BRF1: variants seen among roughly 807,000 people sequenced by gnomAD.
The protein encoded by BRF1 is transcription factor IIIB 90 kDa subunit.
Under a neutral mutation model 81.7 loss-of-function variants are expected in BRF1, and 59 were observed. That is an observed-to-expected ratio of 0.72 (90% CI 0.59 to 0.90). The LOEUF (loss-of-function observed/expected upper bound fraction) is 0.90, where lower values mean the gene tolerates loss of function less well. BRF1 is among the 40% of genes least tolerant of loss of function. BRF1 has a pLI of 0.00. For missense variants in BRF1, 1,050 were observed against 936.3 expected, an observed-to-expected ratio of 1.12 and a Z score of -1.58; for synonymous variants, 491 against 395.6, an observed-to-expected ratio of 1.24 and a Z score of -2.86.
At position 105,300,948 on chromosome 14, in the gene BRF1, G is replaced by T. The variant is rs587646776; in HGVS notation, c.-319C>A. 2.1e-3 allele frequency: 327 copies of T among 155,358 alleles called. 1 individual carries two copies. The highest frequency in any genetic ancestry group is 1.6e-3 in the Non-Finnish European group (110 of 70,030). The allele number at this position is 155,358 out of a possible 1,614,324, so 9.6% of individuals were successfully genotyped here. ...GTCGGAGGGGCGACCTGCGGGGGCT[G>T]GGCTTCGGCGGAACCCGAGCGGGGC... is the stretch of plus-strand genomic sequence containing the variant. On this transcript the variant is annotated 5_prime_UTR_variant, in exon 1 of 18. Coordinates refer to ENST00000547530, the MANE Select transcript of BRF1 (RefSeq NM_001519.4).
At position 105,299,151 on chromosome 14, in the gene BRF1, C is replaced by T. The variant is rs752804764; in HGVS notation, c.184+1295G>A. ...TCGAGCCACTGCACTCCAGCCTGGG[C>T]AACAGAGCAAGACTCCATCTCAAAA... On this transcript the variant is annotated intron_variant, in intron 1 of 17. Transcript: ENST00000547530. 1.7e-4 allele frequency among the ~76,000 whole-genome samples: 26 copies of T among 152,072 alleles called. 1 individual carries two copies. The highest frequency in any genetic ancestry group is 2.9e-4 in the Non-Finnish European group (20 of 68,018).
At position 105,222,730 on chromosome 14, in the gene BRF1, G is replaced by A. The variant is rs959246015; in HGVS notation, c.1049-816C>T. On this transcript the variant is annotated intron_variant, in intron 10 of 17. Transcript: ENST00000547530. ...TGCAAGCTCCGCCTCCCGGGTTCAC[G>A]CCATTCTCCTGCCTCAGCCTCCTGA... 5.9e-5 allele frequency among the ~76,000 whole-genome samples: 9 copies of A among 152,036 alleles called. No individual in the cohort carries two copies. The East Asian group carries it at 1.5e-3, about 26-fold the overall frequency.
intron 3 of BRF1, among the ~76,000 whole-genome samples, chr14:105,261,989 G>A (rs1443091631): frequency 6.6e-6 from 1 of 152,226 alleles, no homozygotes; most frequent in Non-Finnish European, 1.5e-5. Flanking sequence ...CCTGGCACGG[G>A]AACACACGGC....
intron 6 of BRF1, among the ~76,000 whole-genome samples, chr14:105,229,593 C>T (rs117230703): frequency 2.1e-3 from 326 of 152,354 alleles, no homozygotes; most frequent in South Asian, 8.3e-3. Context: ...GTGACAGCTG[C>T]GACCTGGGGG....
rs1891904771 is a variant in BRF1 at position 105,219,515 on chromosome 14, G to A, written c.1378-283C>T. On this transcript the variant is annotated intron_variant, in intron 12 of 17. Transcript: ENST00000547530. Reference sequence around the variant, plus strand: ...CACCAGGACCCTGGCCAGCCAGAGTGCAGGCCACAGGTTCCCACAAAGGGG... The same window carrying A: ...CACCAGGACCCTGGCCAGCCAGAGTACAGGCCACAGGTTCCCACAAAGGGG... 14 of 584,370 alleles carry A rather than the reference G, an allele frequency of 2.4e-5. No homozygotes were observed. In the South Asian group the frequency reaches 3.6e-4, roughly 15 times the overall value. The allele number at this position is 584,370 out of a possible 1,614,324, so 36.2% of individuals were successfully genotyped here. A position where few individuals can be genotyped will look rare whatever the true frequency, so the allele number is the denominator to read the frequency against.
At position 105,223,675 on chromosome 14, in the gene BRF1, C is replaced by T. The variant is rs190525046; in HGVS notation, c.1049-1761G>A. On this transcript the variant is annotated intron_variant, in intron 10 of 17. Transcript: ENST00000547530. Reference sequence around the variant, plus strand: ...GTGGTGACCAAGGGCCTGTGGACCCCGTGGGAGCCACAGATCTGTGGGTCT... The same window carrying T: ...GTGGTGACCAAGGGCCTGTGGACCCTGTGGGAGCCACAGATCTGTGGGTCT... 3.2e-4 allele frequency among the ~76,000 whole-genome samples: 48 copies of T among 152,284 alleles called. 3 individuals carry two copies. The highest frequency in any genetic ancestry group is 2.4e-3 in the Admixed American group (37 of 15,300).
chr14:105,298,681 CCT>C (rs1340381111), intron 1 of BRF1, among the ~76,000 whole-genome samples: 1 of 151,462 alleles, frequency 6.6e-6, no homozygotes, highest in Non-Finnish European at 1.5e-5. Context: ...AGGGTGAAAC[CCT>C]GTCTCTACTA....
intron 3 of BRF1, among the ~76,000 whole-genome samples, chr14:105,259,399 T>TGCAC (rs2056044074): frequency 6.6e-6 from 1 of 152,118 alleles, no homozygotes; most frequent in Non-Finnish European, 1.5e-5. Context: ...GAGCTGTGAT[T>TGCAC]GCACCACTGC....
chr14:105,212,029 T>C (rs1890198906), intron 16 of BRF1, 84 bp downstream of exon 16: 1 of 1,557,966 alleles, frequency 6.4e-7, no homozygotes, highest in Admixed American at 1.9e-5. Context: ...GCTCTCCCTG[T>C]GGTCACAGAC....
chr14:105,246,307 CATT>C (rs1204628360), intron 5 of BRF1, among the ~76,000 whole-genome samples: 4 of 152,088 alleles, frequency 2.6e-5, no homozygotes, highest in Admixed American at 6.6e-5. Flanking sequence ...TGGTCAACAT[CATT>C]ATTTATCAGG....
At chr14:105,308,662 T>C (rs1257318609) in intron 1 of BRF1, among the ~76,000 whole-genome samples, 1 of 151,494 alleles carries the variant, frequency 6.6e-6, no homozygotes, top group African/African-American at 2.4e-5. Context: ...TTTGCAGTTT[T>C]AGTAGAGACA....
At chr14:105,292,671 G>C (rs2057565764) in intron 1 of BRF1, among the ~76,000 whole-genome samples, 1 of 152,196 alleles carries the variant, frequency 6.6e-6, no homozygotes, top group Non-Finnish European at 1.5e-5. Context: ...CGGGAACACA[G>C]AGCGTGTGCC....
chr14:105,298,426 C>T (rs1291494198), intron 1 of BRF1, among the ~76,000 whole-genome samples: 1 of 152,198 alleles, frequency 6.6e-6, no homozygotes, highest in Non-Finnish European at 1.5e-5. Flanking sequence ...CAGACCTGCA[C>T]GGACGGGGCC....
intron 5 of BRF1, chr14:105,249,825 C>T (rs1233759733): frequency 2.5e-6 from 4 of 1,613,498 alleles, no homozygotes; most frequent in South Asian, 1.1e-5. Flanking sequence ...CCCGAGCTGA[C>T]GCAGCGCTGC....
In BRF1 at chr14:105,251,954, C is replaced by G. The variant is rs587720169; in HGVS notation, c.544+553G>C. Among the ~76,000 whole-genome samples, 16 of 152,188 alleles carry G rather than the reference C, an allele frequency of 1.1e-4. No homozygotes were observed. In the South Asian group the frequency reaches 3.3e-3, roughly 32 times the overall value. ...CATACAGGAGTTCCACAAACTCGCA[C>G]ACAACACAGAACAAAAGTGGCAGAA... On this transcript the variant is annotated intron_variant, in intron 5 of 17. Transcript: ENST00000547530.
At chr14:105,302,021 C>T (rs1476437713), upstream of BRF1, among the ~76,000 whole-genome samples, 1 of 152,024 alleles carries the variant, frequency 6.6e-6, no homozygotes, top group East Asian at 2.0e-4. Context: ...CGCCTGTAAT[C>T]CCAGCTACTC....
At position 105,211,177 on chromosome 14, in the gene BRF1, A is replaced by G. The variant is rs1008540253; in HGVS notation, c.1941T>C (p.Pro647=). The G allele has an allele frequency of 2.5e-6, 4 of 1,612,406 alleles. No homozygotes were observed. The highest frequency in any genetic ancestry group is 3.4e-6 in the Non-Finnish European group (4 of 1,179,854). The change falls in exon 17 of 18, where the codon CCT becomes CCC. Residue 647 remains proline (P), a synonymous_variant. Coordinates refer to ENST00000547530, the MANE Select transcript of BRF1 (RefSeq NM_001519.4). The stretch of plus-strand genomic sequence containing the variant: ...CGCAGGGCTCCCCGTCCTCCTCGTC[A>G]GGCTCCTCCTCGTCAGCCTCCTCGT... ...HADEEADEEE[P]DEEDGEPCVS... is the part of the protein sequence containing the mutation.
intron 1 of BRF1, among the ~76,000 whole-genome samples, chr14:105,313,929 A>C (rs953731462): frequency 6.6e-6 from 1 of 152,176 alleles, no homozygotes; most frequent in Non-Finnish European, 1.5e-5. Context: ...TTGGGTCCCC[A>C]AGTTCACTGT....
In BRF1 at chr14:105,296,341, G is replaced by A. The variant is rs149608907; in HGVS notation, c.184+4105C>T. On this transcript the variant is annotated intron_variant, in intron 1 of 17. Transcript: ENST00000547530. ...AGATTGAGACCATCCATGTAACCCC[G>A]CCTCTGCTAAAAATACAAAAAATTA... 3.3e-3 allele frequency among the ~76,000 whole-genome samples: 501 copies of A among 152,000 alleles called. 3 individuals carry two copies. The highest frequency in any genetic ancestry group is 0.014 in the East Asian group (74 of 5,152).
Sources: gnomAD v4.1 joint callset for allele counts (sites outside exome capture counted in the v4.1 genomes callset) on GRCh38, gnomAD v4.1.1 for gene constraint, MANE v1.5 for transcripts, NCBI Gene and HGNC (gene_info 2026-07-23, HGNC 2026-07-21) for gene names.